Variants in BACH2 observed in about 807,000 individuals in gnomAD.
BACH2 encodes BACH transcriptional regulator 2.
In BACH2, 5 loss-of-function variants were observed where a neutral mutation model predicts 61.8. The ratio of observed to expected loss-of-function variants is 0.08; its 90% CI spans 0.04 to 0.17. The LOEUF (loss-of-function observed/expected upper bound fraction) is 0.17, where lower values mean the gene tolerates loss of function less well. BACH2 is among the 10% of genes least tolerant of loss of function. The probability of loss-of-function intolerance (pLI) is 1.00; values close to 1 mark genes in which losing one functional copy is unlikely to be tolerated. For synonymous variants in BACH2, 446 were observed against 440.1 expected (o/e 1.01, Z -0.17); for missense variants, 824 against 1,091.1 (o/e 0.76, Z 3.45).
At chr6:90,250,863 T>C (rs1770785275) in intron 3 of BACH2, among the ~76,000 whole-genome samples, 1 of 152,206 alleles carries the variant, frequency 6.6e-6, no homozygotes, top group Non-Finnish European at 1.5e-5. Context: ...TACTGAGTAC[T>C]TACCATGTTA....
rs557826497 is a variant in BACH2 at position 90,088,833 on chromosome 6, G to A, written c.-13+128C>T. 9.2e-5 allele frequency: 14 copies of A among 152,156 alleles called. No homozygotes were observed. In the East Asian group the frequency reaches 2.7e-3, roughly 29 times the overall value. The allele number at this position is 152,156 out of a possible 1,614,324, so 9.4% of individuals were successfully genotyped here. On this transcript the variant is annotated intron_variant, in intron 5 of 8. Coordinates refer to ENST00000257749, the MANE Select transcript of BACH2 (RefSeq NM_021813.4). ...ATACAGATTCCAACCTTTGCTCAAT[G>A]ATAACTCTCCAGCTCCTTTGTTAAA...
intron 3 of BACH2, among the ~76,000 whole-genome samples, chr6:90,228,696 A>G (rs1030810120): frequency 2.6e-5 from 4 of 152,178 alleles, no homozygotes; most frequent in Non-Finnish European, 4.4e-5. Flanking sequence ...CCGAGATGGC[A>G]CCACTGCACT....
At chr6:90,203,144 T>C (rs1769012727) in intron 4 of BACH2, among the ~76,000 whole-genome samples, 1 of 151,918 alleles carries the variant, frequency 6.6e-6, no homozygotes, top group South Asian at 2.1e-4. Context: ...GGTGAGGTGG[T>C]TCACACCTGT....
chr6:90,196,028 T>C (rs1768746412), intron 4 of BACH2, among the ~76,000 whole-genome samples: 1 of 152,060 alleles, frequency 6.6e-6, no homozygotes, highest in Non-Finnish European at 1.5e-5. Flanking sequence ...AGTTTGCAAA[T>C]AAAGAAACGG....
chr6:90,084,370 A>C (rs1297125084), intron 5 of BACH2, among the ~76,000 whole-genome samples: 1 of 151,902 alleles, frequency 6.6e-6, no homozygotes, highest in Non-Finnish European at 1.5e-5. Context: ...CTATCTAAAA[A>C]TTCTGGTCTA....
intron 5 of BACH2, among the ~76,000 whole-genome samples, chr6:90,048,792 G>A (rs1779906638): frequency 6.6e-6 from 1 of 152,162 alleles, no homozygotes; most frequent in African/African-American, 2.4e-5. Flanking sequence ...ATAATTATGA[G>A]TATGTCTTAA....
At chr6:90,114,048 C>T (rs1225143022) in intron 4 of BACH2, among the ~76,000 whole-genome samples, 1 of 152,006 alleles carries the variant, frequency 6.6e-6, no homozygotes, top group African/African-American at 2.4e-5. Flanking sequence ...ACCGAAAAAG[C>T]GCAAGACCTG....
intron 5 of BACH2, among the ~76,000 whole-genome samples, chr6:90,058,783 T>C (rs1424199071): frequency 1.1e-3 from 167 of 151,450 alleles, no homozygotes; most frequent in African/African-American, 3.3e-3. Context: ...GACATATAGA[T>C]CAATGGAACA....
intron 4 of BACH2, among the ~76,000 whole-genome samples, chr6:90,138,300 C>T (rs565723013): frequency 3.3e-5 from 5 of 152,236 alleles, no homozygotes; most frequent in Non-Finnish European, 5.9e-5. Context: ...GTCAGGAGTT[C>T]GAGACCAGTC....
At chr6:89,943,420 T>C (rs1034070392) in intron 7 of BACH2, among the ~76,000 whole-genome samples, 9 of 151,820 alleles carry the variant, frequency 5.9e-5, no homozygotes, top group African/African-American at 2.2e-4. Context: ...ATAAGTATTA[T>C]ATAATTATAG....
intron 7 of BACH2, among the ~76,000 whole-genome samples, chr6:89,939,166 T>C (rs1773225409): frequency 6.6e-6 from 1 of 152,180 alleles, no homozygotes; most frequent in South Asian, 2.1e-4. Flanking sequence ...GAAAATTAGC[T>C]GCCATGCCTC....
intron 6 of BACH2, among the ~76,000 whole-genome samples, chr6:89,957,531 C>T (rs931671749): frequency 2.6e-5 from 4 of 151,910 alleles, no homozygotes; most frequent in African/African-American, 9.7e-5. Flanking sequence ...CATCTGGCCT[C>T]GTATTAATTT....
chr6:90,079,355 C>T (rs1017811345), intron 5 of BACH2, among the ~76,000 whole-genome samples: 1 of 152,182 alleles, frequency 6.6e-6, no homozygotes, highest in Non-Finnish European at 1.5e-5. Context: ...CCTTGCTGTG[C>T]TATGAGTTTA....
In BACH2 at chr6:90,178,908, C is replaced by T. The variant is rs138343518; in HGVS notation, c.-162+27661G>A. On this transcript the variant is annotated intron_variant, in intron 4 of 8. Transcript: ENST00000257749. ...ACTATCAGCAGTGTTAGCCTGGTTC[C>T]GCAGGGGACCACATATGCACATGTA... 4.9e-4 allele frequency among the ~76,000 whole-genome samples: 74 copies of T among 152,262 alleles called. 2 individuals are homozygous for T. The highest frequency in any genetic ancestry group is 1.7e-3 in the African/African-American group (72 of 41,538).
intron 5 of BACH2, among the ~76,000 whole-genome samples, chr6:90,019,395 A>C (rs1778256863): frequency 6.6e-6 from 1 of 152,206 alleles, no homozygotes; most frequent in Non-Finnish European, 1.5e-5. Context: ...ACAGGAGTGG[A>C]CCAGGCATGT....
At chr6:90,102,141 A>G (rs771611096) in intron 4 of BACH2, among the ~76,000 whole-genome samples, 15 of 152,102 alleles carry the variant, frequency 9.9e-5, no homozygotes, top group Non-Finnish European at 1.0e-4. Context: ...TTAAAACTTC[A>G]CTATAAATAT....
In BACH2 at chr6:90,215,218, A is replaced by C. The variant is rs1319769380; in HGVS notation, c.-274-8537T>G. Among the ~76,000 whole-genome samples the C allele has an allele frequency of 3.3e-5, 5 of 152,150 alleles. No individual in the cohort carries two copies. The East Asian group carries it at 7.7e-4, about 23-fold the overall frequency. Reference sequence around the variant, plus strand: ...AACCAGTTTCTGCCAAAACAGTTGAAGTTATACCATGCAGGTAGTAGTGTA... The same window carrying C: ...AACCAGTTTCTGCCAAAACAGTTGACGTTATACCATGCAGGTAGTAGTGTA... On this transcript the variant is annotated intron_variant, in intron 3 of 8. Transcript: ENST00000257749.
intron 6 of BACH2, among the ~76,000 whole-genome samples, chr6:89,958,423 GTGCTTTAGTTTCTCTA>G (rs67917475): frequency 0.12 from 17,621 of 152,266 alleles, 1,086 homozygotes; most frequent in African/African-American, 0.13. Context: ...TAACCTTTCT[GTGCTTTAGTTTCTCTA>G]TGCTTTAGTT....
At chr6:89,961,542 C>A (rs957880470) in intron 6 of BACH2, among the ~76,000 whole-genome samples, 6 of 152,198 alleles carry the variant, frequency 3.9e-5, no homozygotes, top group Non-Finnish European at 8.8e-5. Flanking sequence ...TCTGGTTTCA[C>A]CCTCTCAACC....
Sources: gnomAD v4.1 joint callset for allele counts (sites outside exome capture counted in the v4.1 genomes callset) on GRCh38, gnomAD v4.1.1 for gene constraint, MANE v1.5 for transcripts, NCBI Gene and HGNC (gene_info 2026-07-23, HGNC 2026-07-21) for gene names.